Variants in MUC7 observed in about 807,000 individuals in gnomAD.
MUC7 encodes mucin-7.
In MUC7, 2 loss-of-function variants were observed where a neutral mutation model predicts 2.5. The observed-to-expected ratio is 0.81, with a 90% CI of 0.33 to 2.55. The LOEUF is 2.55. MUC7 is among the 30% of genes most tolerant of loss of function. The pLI, the probability that MUC7 is intolerant of heterozygous loss-of-function variation, is 0.11. For missense variants in MUC7, 408 were observed against 455.6 expected, an observed-to-expected ratio of 0.90 and a Z score of 0.95; for synonymous variants, 133 against 173.4, an observed-to-expected ratio of 0.77 and a Z score of 1.83.
chr4:70,457,099 A>G (rs1734433709), intron 1 of MUC7, among the ~76,000 whole-genome samples: 1 of 152,180 alleles, frequency 6.6e-6, no homozygotes, highest in South Asian at 2.1e-4. Flanking sequence ...GGGATGGGGC[A>G]GGGGATTAAT....
chr4:70,450,886 C>T (rs758414124), intron 1 of MUC7, among the ~76,000 whole-genome samples: 6 of 152,070 alleles, frequency 3.9e-5, no homozygotes, highest in Non-Finnish European at 5.9e-5. Flanking sequence ...GGTCTCTTTT[C>T]GAGCCATGAG....
At chr4:70,478,137 T>A (rs1441112247) in intron 2 of MUC7, among the ~76,000 whole-genome samples, 2 of 152,206 alleles carry the variant, frequency 1.3e-5, no homozygotes, top group Non-Finnish European at 2.9e-5. Context: ...ACATTAAAAT[T>A]AATAGGATTT....
At chr4:70,453,059 ATG>A in intron 1 of MUC7, among the ~76,000 whole-genome samples, 1 of 152,306 alleles carries the variant, frequency 6.6e-6, no homozygotes, top group Non-Finnish European at 1.5e-5. Flanking sequence ...CTTCTGCCAT[ATG>A]TATTAGAGCT....
upstream of MUC7, among the ~76,000 whole-genome samples, chr4:70,471,256 T>C (rs959739039): frequency 6.6e-6 from 1 of 152,168 alleles, no homozygotes; most frequent in Non-Finnish European, 1.5e-5. Context: ...AAATGACTAG[T>C]CTAGCTATCA....
upstream of MUC7, among the ~76,000 whole-genome samples, chr4:70,471,450 T>C (rs4694067): frequency 0.35 from 53,274 of 152,002 alleles, 10,003 homozygotes; most frequent in Admixed American, 0.43. Context: ...ATTATTAATA[T>C]TGTTATAGGT....
chr4:70,436,578 T>G (rs979520523), intron 1 of MUC7, among the ~76,000 whole-genome samples: 2 of 152,218 alleles, frequency 1.3e-5, no homozygotes, highest in Non-Finnish European at 2.9e-5. Context: ...ACACTTGTTA[T>G]TCTAGTTAGC....
At position 70,442,406 on chromosome 4, in the gene MUC7, G is replaced by T. The variant is rs533233281; in HGVS notation, c.-93+11719G>T. 4.6e-5 allele frequency among the ~76,000 whole-genome samples: 7 copies of T among 152,268 alleles called. 1 individual carries two copies. The highest frequency in any genetic ancestry group is 1.4e-4 in the African/African-American group (6 of 41,556). On this transcript the variant is annotated intron_variant, in intron 1 of 3. Coordinates refer to the MUC7 transcript ENST00000413702. The stretch of plus-strand genomic sequence containing the variant: ...TTGGCCCCTGGCCTGCAGCCCACCT[G>T]CTTCTCCTCTCATCCCTGGCTCCTC...
chr4:70,468,053 T>C (rs886200593), upstream of MUC7, among the ~76,000 whole-genome samples: 4 of 152,170 alleles, frequency 2.6e-5, no homozygotes, highest in African/African-American at 9.7e-5. Context: ...AAAAGGCTTA[T>C]CTACCAAGAT....
At chr4:70,480,733 G>T in intron 2 of MUC7, 66 bp from the exon 3 acceptor site, 1 of 1,523,652 alleles carries the variant, frequency 6.6e-7, no homozygotes, top group Non-Finnish European at 8.9e-7. Flanking sequence ...CTCATGGTCA[G>T]CAGTGATCAC....
intron 1 of MUC7, among the ~76,000 whole-genome samples, chr4:70,434,427 T>G (rs1414712543): frequency 6.6e-6 from 1 of 152,250 alleles, no homozygotes; most frequent in East Asian, 1.9e-4. Flanking sequence ...GAGATTCAAC[T>G]TCTTCCTAGT....
intron 1 of MUC7, among the ~76,000 whole-genome samples, chr4:70,453,382 G>A (rs1215540414): frequency 6.6e-6 from 1 of 152,164 alleles, no homozygotes; most frequent in Non-Finnish European, 1.5e-5. Flanking sequence ...CTTTTCAAAG[G>A]TGGAGGAGTT....
chr4:70,481,889 G>A lies in MUC7; in HGVS notation c.*11G>A. 7 of 1,606,970 alleles carry A rather than the reference G, an allele frequency of 4.4e-6. No homozygotes were observed. In the South Asian group the frequency reaches 7.8e-5, roughly 18 times the overall value. ...ATGGTGGAGCAATAGTATATTGTAT[G>A]TTGTAAAGTGTTCTGTCATTTACAA... On this transcript the variant is annotated 3_prime_UTR_variant, in exon 3 of 3. Transcript: ENST00000304887.
chr4:70,472,665 C>T (rs192705979), intron 1 of MUC7, among the ~76,000 whole-genome samples: 2 of 152,040 alleles, frequency 1.3e-5, no homozygotes, highest in East Asian at 3.9e-4. Context: ...ATATATTATT[C>T]CAGTCAATCC....
chr4:70,455,420 C>G (rs999795785), intron 1 of MUC7, among the ~76,000 whole-genome samples: 10 of 152,120 alleles, frequency 6.6e-5, no homozygotes, highest in Non-Finnish European at 1.0e-4. Flanking sequence ...AAATTCAGTA[C>G]TCCATTTCTT....
chr4:70,453,986 C>T (rs1577904871), intron 1 of MUC7, among the ~76,000 whole-genome samples: 1 of 152,074 alleles, frequency 6.6e-6, no homozygotes, highest in Non-Finnish European at 1.5e-5. Flanking sequence ...GCCTGATGCC[C>T]TTTCCTACTG....
chr4:70,475,187 G>A (rs949659922), intron 2 of MUC7, among the ~76,000 whole-genome samples: 1 of 152,104 alleles, frequency 6.6e-6, no homozygotes, highest in Non-Finnish European at 1.5e-5. Flanking sequence ...GCTGAGACAG[G>A]AGAATTGCTC....
rs1194222347 is a variant in MUC7 at position 70,481,644 on chromosome 4, A to G, written c.900A>G (p.Pro300=). The change falls in exon 3 of 3, where the codon CCA becomes CCG. Residue 300 remains proline, a synonymous_variant. Transcript: ENST00000304887. ...TTPAPPSSPA[P]QETTAAPITT... is the part of the protein sequence containing the mutation. ...CAGCTCCACCGTCTTCCCCAGCTCCACAAGAGACCACAGCTGCCCCAATTA... is the reference window on the plus strand; with the variant it reads ...CAGCTCCACCGTCTTCCCCAGCTCCGCAAGAGACCACAGCTGCCCCAATTA... 5.0e-6 allele frequency: 8 copies of G among 1,613,600 alleles called. No homozygotes were observed. Among genetic ancestry groups the G allele is most frequent in the African/African-American group, 1.3e-5 (1 of 74,810 alleles).
At chr4:70,454,074 A>ACT (rs1734356489) in intron 1 of MUC7, among the ~76,000 whole-genome samples, 1 of 151,620 alleles carries the variant, frequency 6.6e-6, no homozygotes, top group African/African-American at 2.4e-5. Context: ...AGAATAAAGG[A>ACT]CTCTCTCATT....
chr4:70,436,058 T>C (rs1413810116), intron 1 of MUC7, among the ~76,000 whole-genome samples: 2 of 152,234 alleles, frequency 1.3e-5, no homozygotes, highest in African/African-American at 2.4e-5. Context: ...GTAGGGTTTC[T>C]GCCCACAGAT....
Sources: gnomAD v4.1 joint callset for allele counts (sites outside exome capture counted in the v4.1 genomes callset) on GRCh38, gnomAD v4.1.1 for gene constraint, MANE v1.5 for transcripts, NCBI Gene and HGNC (gene_info 2026-07-23, HGNC 2026-07-21) for gene names.